ZFP57: variants seen among roughly 807,000 people sequenced by gnomAD.
ZFP57 encodes the protein ZFP57 zinc finger protein, also known as zinc finger protein 57 homolog.
ZFP57 carries 12 observed loss-of-function variants against 15.8 expected under a neutral mutation model. The ratio of observed to expected loss-of-function variants is 0.76; its 90% CI spans 0.49 to 1.23. ZFP57 has a LOEUF of 1.23. Among genes scored for constraint, ZFP57 ranks in the 50% most tolerant of loss-of-function variants. The pLI is 0.00. For missense variants in ZFP57, 536 were observed against 654.9 expected, an observed-to-expected ratio of 0.82 and a Z score of 1.98; for synonymous variants, 203 against 242.3, an observed-to-expected ratio of 0.84 and a Z score of 1.51.
chr6:29,676,102 A>ATGTGTG (rs9280638), intron 2 of ZFP57, 43 bp from the exon 3 acceptor site: 19,293 of 1,265,782 alleles, frequency 0.015, 243 homozygotes, highest in South Asian at 0.033. Flanking sequence ...ATAAATATAT[A>ATGTGTG]TGTGTGTGTG....
chr6:29,680,278 C>A (rs578139433), intron 1 of ZFP57, among the ~76,000 whole-genome samples: 1 of 152,130 alleles, frequency 6.6e-6, no homozygotes, highest in African/African-American at 2.4e-5. Flanking sequence ...GGGAATGTGT[C>A]GTCGCCATCT....
Position 29,673,285 on chromosome 6 carries a change from G to A in ZFP57, c.826C>T (p.Arg276Cys), listed in dbSNP as rs552912198. Residue 276 changes from arginine (R) to cysteine (C), a missense_variant, in exon 5 of 5, where the codon CGC becomes TGC. Transcript: ENST00000376883. The surrounding 1 kb of genome is among the most constrained non-coding windows in gnomAD (Gnocchi z 4.7). ...TGGTTTTGGTGTATCTTCTGGTGGCGTTTGAGCTCAGACTGGTCCCGGAAG... is the reference window on the plus strand; with the variant it reads ...TGGTTTTGGTGTATCTTCTGGTGGCATTTGAGCTCAGACTGGTCCCGGAAG... Reference protein sequence around the residue: ...KSFRDQSELKRHQKIHQNQEP... With the variant: ...KSFRDQSELKCHQKIHQNQEP... 23 of 1,613,036 alleles carry A rather than the reference G, an allele frequency of 1.4e-5. No homozygotes were observed. Among genetic ancestry groups the A allele is most frequent in the South Asian group, 3.3e-5 (3 of 91,086 alleles).
intron 4 of ZFP57, among the ~76,000 whole-genome samples, chr6:29,675,127 T>C (rs1320015387): frequency 2.4e-5 from 3 of 125,044 alleles, no homozygotes; most frequent in African/African-American, 9.3e-5. Flanking sequence ...CACTCCAGCC[T>C]GGCAACAGAG....
In ZFP57 at chr6:29,672,835, T is replaced by G. The variant is rs745960774; in HGVS notation, c.1276A>C (p.Arg426=). 3 of 1,613,078 alleles carry G rather than the reference T, an allele frequency of 1.9e-6. No homozygotes were observed. Among genetic ancestry groups the G allele is most frequent in the Non-Finnish European group, 2.5e-6 (3 of 1,180,034 alleles). The change falls in exon 5 of 5, where the codon AGG becomes CGG. Residue 426 remains arginine (R), a synonymous_variant. Coordinates refer to ENST00000376883, the MANE Select transcript of ZFP57 (RefSeq NM_001109809.5). Reference sequence around the variant, plus strand: ...TGGGTCTGCTGGTGTCTGACCAGCCTGGAAAATGAGCTGAAAGACTTGCTG... The same window carrying G: ...TGGGTCTGCTGGTGTCTGACCAGCCGGGAAAATGAGCTGAAAGACTTGCTG... ...HCSKSFSSFS[R]LVRHQQTHWK...
Position 29,676,889 on chromosome 6 carries a change from C to G in ZFP57, c.115G>C (p.Val39Leu), listed in dbSNP as rs1411544905. 1 of 1,614,026 alleles carries G rather than the reference C, an allele frequency of 6.2e-7. No individual in the cohort carries two copies. Among genetic ancestry groups the G allele is most frequent in the African/African-American group, 1.3e-5 (1 of 74,950 alleles). The part of the protein sequence containing the change: ...MKRDCWREAR[V>L]KKKPVTFEDV... ...TAGCTTAGTCTCCTCACCTTCTTCACCCGTGCCTCCCTCCAGCAATCTCTC... is the reference window on the plus strand; with the variant it reads ...TAGCTTAGTCTCCTCACCTTCTTCAGCCGTGCCTCCCTCCAGCAATCTCTC... The change falls in exon 2 of 5, where the codon GTG becomes CTG. Residue 39 changes from valine to leucine, a missense_variant. Physicochemically the swap from Val to Leu is conservative, Grantham distance 32. Coordinates refer to ENST00000376883, the MANE Select transcript of ZFP57 (RefSeq NM_001109809.5).
chr6:29,678,238 T>G (rs145798158), intron 1 of ZFP57, among the ~76,000 whole-genome samples: 1 of 152,354 alleles, frequency 6.6e-6, no homozygotes, highest in Non-Finnish European at 1.5e-5. Flanking sequence ...TTCCTAAGTT[T>G]TAAATTGCTT....
chr6:29,680,739 G>T (rs1017606030), intron 1 of ZFP57, among the ~76,000 whole-genome samples: 1 of 152,194 alleles, frequency 6.6e-6, no homozygotes, highest in Non-Finnish European at 1.5e-5. Context: ...GCGCTTATGT[G>T]CTCAGAAACG....
In ZFP57 at chr6:29,672,763, C is replaced by A; in HGVS notation, c.1348G>T (p.Gly450Trp). The A allele has an allele frequency of 6.2e-7, 1 of 1,613,026 alleles. No individual in the cohort carries two copies. Among genetic ancestry groups the A allele is most frequent in the East Asian group, 2.2e-5 (1 of 44,888 alleles). Residue 450 changes from glycine to tryptophan, a missense_variant, in exon 5 of 5, where the codon GGG becomes TGG. Physicochemically the swap from Gly to Trp is radical, Grantham distance 184. Transcript: ENST00000376883. ...YLCPICDLSF[G>W]EKEGLMDHWR... ...TGATCCATAAGGCCCTCTTTCTCCC[C>A]AAAGGAGAGGTCACAGATAGGGCAA...
chr6:29,679,082 A>G lies in ZFP57; in HGVS notation c.-363-1716T>C, dbSNP rs1031139214. Among the ~76,000 whole-genome samples, 5 of 152,340 alleles carry G rather than the reference A, an allele frequency of 3.3e-5. No individual in the cohort carries two copies. In the East Asian group the frequency reaches 7.7e-4, roughly 24 times the overall value. ...AGCTCTTGGAACATATCACCTGTGGATAAGGGGAACCACTGTATATACAGA... is the reference window on the plus strand; with the variant it reads ...AGCTCTTGGAACATATCACCTGTGGGTAAGGGGAACCACTGTATATACAGA... On this transcript the variant is annotated intron_variant, in intron 1 of 4. Transcript: ENST00000376883.
chr6:29,675,876 C>G, intron 3 of ZFP57, 57 bp downstream of exon 3: 2 of 1,610,598 alleles, frequency 1.2e-6, no homozygotes, highest in Non-Finnish European at 1.7e-6. Flanking sequence ...CCAGGGAAAC[C>G]AGATGTTCCA....
intron 1 of ZFP57, among the ~76,000 whole-genome samples, chr6:29,679,824 CGGTGAGCG>C (rs1406095168): frequency 6.6e-6 from 1 of 152,042 alleles, no homozygotes. Context: ...GCAGAGGTTG[CGGTGAGCG>C]GAGATCGCGC....
chr6:29,676,124 G>GTGTGTGTGTGTGTGTGTT (rs1420427171), intron 2 of ZFP57, 65 bp from the exon 3 acceptor site: 16 of 1,453,480 alleles, frequency 1.1e-5, no homozygotes. Context: ...GTGTGTGTGT[G>GTGTGTGTGTGTGTGTGTT]TACAAGATTA....
chr6:29,678,167 G>A lies in ZFP57; in HGVS notation c.-363-801C>T, dbSNP rs141981685. On this transcript the variant is annotated intron_variant, in intron 1 of 4. Coordinates refer to ENST00000376883, the MANE Select transcript of ZFP57 (RefSeq NM_001109809.5). Reference sequence around the variant, plus strand: ...TGCCATGAGCCAAGACTGCGCCACTGCACTCCAGCCTGGGACATAGAGCGA... The same window carrying A: ...TGCCATGAGCCAAGACTGCGCCACTACACTCCAGCCTGGGACATAGAGCGA... Among the ~76,000 whole-genome samples, 111 of 152,324 alleles carry A rather than the reference G, an allele frequency of 7.3e-4. 1 individual carries two copies. The East Asian group carries it at 0.019, about 25-fold the overall frequency.
At chr6:29,678,814 C>G (rs968272217) in intron 1 of ZFP57, among the ~76,000 whole-genome samples, 1 of 152,196 alleles carries the variant, frequency 6.6e-6, no homozygotes, top group African/African-American at 2.4e-5. Context: ...CGGTGGATCA[C>G]TTCAGGGCAG....
intron 4 of ZFP57, 69 bp downstream of exon 4, chr6:29,675,317 T>G (rs1772014962): frequency 9.7e-6 from 11 of 1,134,942 alleles, no homozygotes; most frequent in Non-Finnish European, 1.2e-5. Context: ...ATCCTCTTCA[T>G]CAGCTCTCCA....
chr6:29,673,663 G>C lies in ZFP57; in HGVS notation c.448C>G (p.Gln150Glu), dbSNP rs762074022. The C allele has an allele frequency of 1.9e-6, 3 of 1,612,936 alleles. No homozygotes were observed. The Admixed American group carries it at 5.0e-5, about 27-fold the overall frequency. The change falls in exon 5 of 5, where the codon CAG (glutamine) becomes GAG (glutamate). Residue 150 changes from glutamine to glutamate, a missense_variant. Gln to Glu is a conservative substitution (Grantham distance 29, BLOSUM62 2). Coordinates refer to ENST00000376883, the MANE Select transcript of ZFP57 (RefSeq NM_001109809.5). This position sits in a 1 kb window ranked among gnomAD's most constrained non-coding sequence, Gnocchi z 4.7. Reference sequence around the variant, plus strand: ...CCAGCTGGGGCAGATAGGGGGCACTGGCCGGCCCCTCTGCATGCAAGGAAG... The same window carrying C: ...CCAGCTGGGGCAGATAGGGGGCACTCGCCGGCCCCTCTGCATGCAAGGAAG... ...KVFLACRGAG[Q>E]CPLSAPAGTM... is the part of the protein sequence containing the mutation.
Position 29,676,875 on chromosome 6 carries a change from C to T in ZFP57, c.123+6G>A. 6.2e-7 allele frequency: 1 copy of T among 1,614,080 alleles called. No homozygotes were observed. The highest frequency in any genetic ancestry group is 8.5e-7 in the Non-Finnish European group (1 of 1,179,992). On this transcript the variant is annotated splice_donor_region_variant and intron_variant, in intron 2 of 4. Transcript: ENST00000376883. Reference sequence around the variant, plus strand: ...ACCCCACCTCTCTCTAGCTTAGTCTCCTCACCTTCTTCACCCGTGCCTCCC... The same window carrying T: ...ACCCCACCTCTCTCTAGCTTAGTCTTCTCACCTTCTTCACCCGTGCCTCCC...
At chr6:29,674,129 AAGAAGG>A (rs371473100) in intron 4 of ZFP57, among the ~76,000 whole-genome samples, 15 of 150,928 alleles carry the variant, frequency 9.9e-5, no homozygotes, top group African/African-American at 2.2e-4. Context: ...AAAGAAGAAG[AAGAAGG>A]AGAAGGAGAA....
intron 2 of ZFP57, among the ~76,000 whole-genome samples, chr6:29,676,569 GGAAA>G (rs1015565859): frequency 6.7e-6 from 1 of 149,582 alleles, no homozygotes; most frequent in African/African-American, 2.5e-5. Flanking sequence ...AAAAAGGAAA[GGAAA>G]GATGAAGAGA....
Sources: gnomAD v4.1 joint callset for allele counts (sites outside exome capture counted in the v4.1 genomes callset) on GRCh38, gnomAD v4.1.1 for gene constraint, Gnocchi (gnomAD v3.1) non-coding constraint, MANE v1.5 for transcripts, NCBI Gene and HGNC (gene_info 2026-07-23, HGNC 2026-07-21) for gene names.